Variants in ADGRF5 observed in about 807,000 individuals in gnomAD.
ADGRF5 encodes G-protein coupled receptor 116.
A neutral mutation model predicts 132.3 loss-of-function variants in ADGRF5; 75 were observed. That is an observed-to-expected ratio of 0.57 (90% CI 0.47 to 0.69). The LOEUF (loss-of-function observed/expected upper bound fraction) is 0.69, where lower values mean the gene tolerates loss of function less well. Among genes scored for constraint, ADGRF5 ranks in the 30% least tolerant of loss-of-function variants. ADGRF5 has a pLI of 0.00. For missense variants in ADGRF5, 1,516 were observed against 1,630.6 expected, an observed-to-expected ratio of 0.93 and a Z score of 1.21; for synonymous variants, 629 against 597.6, an observed-to-expected ratio of 1.05 and a Z score of -0.77.
chr6:46,953,672 T>TATATATAG (rs1253277264), intron 1 of ADGRF5, among the ~76,000 whole-genome samples: 1 of 133,406 alleles, frequency 7.5e-6, no homozygotes, highest in Non-Finnish European at 1.6e-5. Context: ...TATATATATA[T>TATATATAG]ATATATATAT....
At chr6:46,861,546 G>A (rs899705745) in intron 15 of ADGRF5, among the ~76,000 whole-genome samples, 3 of 152,136 alleles carry the variant, frequency 2.0e-5, no homozygotes, top group Non-Finnish European at 4.4e-5. Flanking sequence ...CGTAAGTATT[G>A]GTTTTATATA....
intron 11 of ADGRF5, 114 bp from the exon 12 acceptor site, chr6:46,869,206 G>T (rs770547348): frequency 1.3e-6 from 2 of 1,505,808 alleles, no homozygotes; most frequent in Non-Finnish European, 1.8e-6. Flanking sequence ...AAAAAAAAAT[G>T]AACCATCCTG....
upstream of ADGRF5, among the ~76,000 whole-genome samples, chr6:46,922,856 C>A (rs537667655): frequency 6.6e-6 from 1 of 152,334 alleles, no homozygotes; most frequent in South Asian, 2.1e-4. Flanking sequence ...TGGAGTCAGA[C>A]TGTAGGAACT....
rs1554200479 is a variant in ADGRF5 at position 46,877,293 on chromosome 6, C to CTTTCT, written c.1240+908_1240+909insAGAAA. On this transcript the variant is annotated intron_variant, in intron 10 of 20. Transcript: ENST00000283296. ...TTTCTTTCTTTCTTTCTTTCTTTCTCTCTCTCTCTCTCTTTCCTTCCTTCC... is the reference window on the plus strand; with the variant it reads ...TTTCTTTCTTTCTTTCTTTCTTTCTCTTTCTTCTCTCTCTCTCTTTCCTTCCTTCC... 1.6e-3 allele frequency among the ~76,000 whole-genome samples: 92 copies of CTTTCT among 58,376 alleles called. 1 individual carries two copies. The Middle Eastern group carries it at 0.022, about 14-fold the overall frequency. 38.3% of individuals were successfully genotyped at this position (58,376 alleles called of 152,430 possible). A position where few individuals can be genotyped will look rare whatever the true frequency, so the allele number is the denominator to read the frequency against.
At chr6:46,944,283 C>T (rs966876507) in intron 1 of ADGRF5, among the ~76,000 whole-genome samples, 1 of 152,300 alleles carries the variant, frequency 6.6e-6, no homozygotes, top group Non-Finnish European at 1.5e-5. Context: ...GTTCAAGCTC[C>T]GGTGAGAATC....
intron 4 of ADGRF5, among the ~76,000 whole-genome samples, chr6:46,885,274 G>T (rs1581848252): frequency 6.6e-6 from 1 of 151,754 alleles, no homozygotes; most frequent in Admixed American, 6.6e-5. Flanking sequence ...TGCCAGTTGT[G>T]CTTTCATATG....
chr6:46,890,516 G>C (rs569056470), intron 3 of ADGRF5, among the ~76,000 whole-genome samples: 1 of 113,650 alleles, frequency 8.8e-6, no homozygotes, highest in South Asian at 3.6e-4. Context: ...TCAGGAGTTC[G>C]AGACCAGCCT....
rs1264989409 is a variant in ADGRF5, at chr6:46,859,414, T to G, written c.2489A>C (p.Glu830Ala). 6.2e-7 allele frequency: 1 copy of G among 1,613,206 alleles called. No individual in the cohort carries two copies. Among genetic ancestry groups the G allele is most frequent in the Non-Finnish European group, 8.5e-7 (1 of 1,179,290 alleles). The change falls in exon 17 of 21, where the codon GAA (glutamate) becomes GCA (alanine). Residue 830 changes from glutamate (E) to alanine (A), a missense_variant. Physicochemically the swap from Glu to Ala is moderately radical, Grantham distance 107. Transcript: ENST00000283296. ...CGACTGTAATGCTTGGGAAAATCTTTCCACTGAATGTAGTAGCTGTGAACT... is the reference window on the plus strand; with the variant it reads ...CGACTGTAATGCTTGGGAAAATCTTGCCACTGAATGTAGTAGCTGTGAACT... ...NQSSQLLHSV[E>A]RFSQALQSGD...
rs1172588066 is a variant in ADGRF5, at chr6:46,854,041, G to A, written c.3992C>T (p.Thr1331Ile). 5.6e-6 allele frequency: 9 copies of A among 1,604,316 alleles called. No homozygotes were observed. Among genetic ancestry groups the A allele is most frequent in the South Asian group, 1.1e-5 (1 of 89,700 alleles). ...GTYNVSTPEA[T>I]SSSLENSSSA... ...GGATGAGTTTTCCAGGGATGAGCTGGTTGCTTCTGGGGTGGAAACATTATA... is the reference window on the plus strand; with the variant it reads ...GGATGAGTTTTCCAGGGATGAGCTGATTGCTTCTGGGGTGGAAACATTATA... Residue 1331 changes from threonine to isoleucine, a missense_variant, in exon 21 of 21, where the codon ACC (threonine) becomes ATC (isoleucine). Thr to Ile is a moderately conservative substitution (Grantham distance 89, BLOSUM62 -1). Around this residue, in one of 2 missense-constraint regions of ADGRF5, gnomAD observed 571 missense variants for 701.2 expected, o/e 0.81. Transcript: ENST00000283296.
chr6:46,883,565 T>G lies in ADGRF5; in HGVS notation c.606A>C (p.Glu202Asp). 6.3e-7 allele frequency: 1 copy of G among 1,593,768 alleles called. No individual in the cohort carries two copies. The highest frequency in any genetic ancestry group is 1.1e-5 in the South Asian group (1 of 89,580). Residue 202 changes from glutamate to aspartate, a missense_variant, in exon 6 of 21, where the codon GAA becomes GAC. Physicochemically the swap from Glu to Asp is conservative, Grantham distance 45. This residue lies in a region of ADGRF5 where 945 missense variants were observed against 929.4 expected (regional missense o/e 1.02). Coordinates refer to ENST00000283296, the MANE Select transcript of ADGRF5 (RefSeq NM_001098518.2). The part of the protein sequence containing the change: ...ALYRSYKTDL[E>D]TAFRKGYGIL... ...TCTTGGGGCCAAAACCTACCGCTGT[T>G]TCCAAGTCGGTCTTGTAGGACCTAT...
intron 4 of ADGRF5, among the ~76,000 whole-genome samples, chr6:46,887,380 C>T (rs888362558): frequency 2.6e-5 from 4 of 152,078 alleles, no homozygotes; most frequent in African/African-American, 9.7e-5. Flanking sequence ...TATGGATAAA[C>T]AGTGGGAAAC....
intron 3 of ADGRF5, among the ~76,000 whole-genome samples, chr6:46,894,627 T>C (rs559436419): frequency 6.6e-6 from 1 of 152,332 alleles, no homozygotes; most frequent in South Asian, 2.1e-4. Flanking sequence ...GCTATAAGCA[T>C]GGACTTTGGA....
chr6:46,900,245 G>C (rs1321057819), intron 2 of ADGRF5, among the ~76,000 whole-genome samples, 162 bp from the exon 3 acceptor site: 1 of 152,196 alleles, frequency 6.6e-6, no homozygotes, highest in East Asian at 1.9e-4. Context: ...CAATGAAATG[G>C]TTTGGAAGAC....
chr6:46,859,374 A>G lies in ADGRF5; in HGVS notation c.2529T>C (p.Pro843=). The G allele has an allele frequency of 6.2e-7, 1 of 1,613,902 alleles. No individual in the cohort carries two copies. The highest frequency in any genetic ancestry group is 8.5e-7 in the Non-Finnish European group (1 of 1,179,804). Residue 843 remains proline, a synonymous_variant, in exon 17 of 21, where the codon CCT becomes CCC. Coordinates refer to ENST00000283296, the MANE Select transcript of ADGRF5 (RefSeq NM_001098518.2). ...SQALQSGDSP[P]LSFSQTNVQM... is the part of the protein sequence containing the mutation. ...GCACATTAGTTTGGGAGAAGGACAAAGGAGGGCTATCTCCCGACTGTAATG... is the reference window on the plus strand; with the variant it reads ...GCACATTAGTTTGGGAGAAGGACAAGGGAGGGCTATCTCCCGACTGTAATG...
intron 1 of ADGRF5, among the ~76,000 whole-genome samples, chr6:46,950,130 C>T (rs1778442718): frequency 6.6e-6 from 1 of 152,178 alleles, no homozygotes; most frequent in South Asian, 2.1e-4. Flanking sequence ...ACCCGGACTC[C>T]ACCCATTATG....
At chr6:46,939,378 A>T (rs1482433164) in intron 1 of ADGRF5, among the ~76,000 whole-genome samples, 1 of 152,128 alleles carries the variant, frequency 6.6e-6, no homozygotes, top group East Asian at 1.9e-4. Context: ...AGGAAACAGG[A>T]GGGCACTGGT....
intron 9 of ADGRF5, among the ~76,000 whole-genome samples, chr6:46,878,967 G>A (rs537431093): frequency 2.3e-4 from 35 of 152,236 alleles, no homozygotes; most frequent in African/African-American, 7.0e-4. Flanking sequence ...GGAGAAAGCC[G>A]AAGAGAGGGA....
At chr6:46,948,537 G>A (rs1273535300) in intron 1 of ADGRF5, among the ~76,000 whole-genome samples, 1 of 151,604 alleles carries the variant, frequency 6.6e-6, no homozygotes, top group Admixed American at 6.6e-5. Context: ...TATTGGGGCT[G>A]TGTGTACACA....
upstream of ADGRF5, among the ~76,000 whole-genome samples, chr6:46,925,105 C>T (rs1777184507): frequency 1.3e-5 from 2 of 152,224 alleles, no homozygotes; most frequent in Non-Finnish European, 2.9e-5. Flanking sequence ...GTCTTTTCAA[C>T]AGCCAGTGAG....
Sources: allele counts gnomAD v4.1 joint callset (sites outside exome capture counted in the v4.1 genomes callset), GRCh38; gene constraint gnomAD v4.1.1; regional missense constraint gnomAD v4.1.1; transcripts MANE v1.5; gene names NCBI Gene and HGNC (gene_info 2026-07-23, HGNC 2026-07-21).